The following NRXN1 variants were observed in gnomAD, a reference collection of about 807,000 sequenced individuals.
NRXN1 encodes neurexin-1.
A neutral mutation model predicts 150.9 loss-of-function variants in NRXN1; 39 were observed. That is an observed-to-expected ratio of 0.26 (90% confidence interval 0.20 to 0.34). NRXN1 has a LOEUF of 0.34. Among genes scored for constraint, NRXN1 ranks in the 10% least tolerant of loss-of-function variants. NRXN1 has a pLI of 1.00. For missense variants in NRXN1, 1,815 were observed against 1,949.9 expected (o/e 0.93, Z 1.30); for synonymous variants, 924 against 757.0 (o/e 1.22, Z -3.62).
intron 18 of NRXN1, among the ~76,000 whole-genome samples, chr2:50,202,716 A>AG: frequency 6.6e-6 from 1 of 152,130 alleles, no homozygotes; most frequent in African/African-American, 2.4e-5. Context: ...TATGAATATA[A>AG]AGTATATTAG....
intron 18 of NRXN1, among the ~76,000 whole-genome samples, chr2:50,210,511 C>A (rs1431260116): frequency 2.0e-5 from 3 of 151,626 alleles, no homozygotes; most frequent in African/African-American, 7.3e-5. Context: ...ATAAAATGAA[C>A]TGTAATTTTG....
intron 5 of NRXN1, among the ~76,000 whole-genome samples, chr2:50,643,047 T>A (rs1274053419): frequency 6.6e-6 from 1 of 152,012 alleles, no homozygotes; most frequent in African/African-American, 2.4e-5. Flanking sequence ...ATATTGAATA[T>A]ATGAGAAATA....
chr2:50,692,007 G>C (rs374961264), intron 5 of NRXN1, among the ~76,000 whole-genome samples: 2 of 152,168 alleles, frequency 1.3e-5, no homozygotes, highest in South Asian at 4.1e-4. Context: ...ACTGATTCAG[G>C]CTGTCTTGGG....
intron 21 of NRXN1, among the ~76,000 whole-genome samples, chr2:50,000,671 C>T (rs750133279): frequency 2.6e-5 from 4 of 152,094 alleles, no homozygotes; most frequent in Non-Finnish European, 5.9e-5. Context: ...AGATAATAGT[C>T]CCAGAGTCTA....
intron 18 of NRXN1, chr2:50,105,362 C>G (rs994742063): frequency 6.6e-6 from 1 of 152,014 alleles, no homozygotes; most frequent in Non-Finnish European, 1.5e-5. Flanking sequence ...GAAGTACTAT[C>G]TTTTAGGTTT....
chr2:50,306,306 T>C (rs540539103), intron 17 of NRXN1, among the ~76,000 whole-genome samples: 26 of 152,304 alleles, frequency 1.7e-4, no homozygotes, highest in African/African-American at 5.8e-4. Flanking sequence ...AGATGACTTA[T>C]TAAAGCAATA....
intron 5 of NRXN1, among the ~76,000 whole-genome samples, chr2:50,733,099 G>C (rs1461082534): frequency 2.0e-5 from 3 of 152,096 alleles, no homozygotes; most frequent in East Asian, 1.9e-4. Flanking sequence ...TGAGGAAAAG[G>C]CTTCTATTAA....
intron 5 of NRXN1, among the ~76,000 whole-genome samples, chr2:50,627,789 T>C (rs1290940190): frequency 6.6e-6 from 1 of 151,754 alleles, no homozygotes; most frequent in East Asian, 1.9e-4. Flanking sequence ...GGAGTTTATA[T>C]GACCCTCAAA....
chr2:50,184,695 T>C (rs2060950287), intron 18 of NRXN1, among the ~76,000 whole-genome samples: 1 of 151,402 alleles, frequency 6.6e-6, no homozygotes, highest in African/African-American at 2.5e-5. Flanking sequence ...AGTAGTGTGC[T>C]GTCTCTCTCT....
At chr2:50,327,046 C>T (rs907950739) in intron 17 of NRXN1, among the ~76,000 whole-genome samples, 3 of 152,148 alleles carry the variant, frequency 2.0e-5, no homozygotes, top group Admixed American at 1.3e-4. Context: ...CTAGCCTTTC[C>T]ACTTTTAATA....
intron 18 of NRXN1, among the ~76,000 whole-genome samples, chr2:50,208,030 G>C (rs1246895264): frequency 2.6e-5 from 4 of 152,086 alleles, no homozygotes; most frequent in African/African-American, 4.8e-5. Context: ...CCTGGACTTG[G>C]TGAGCTGCTG....
intron 17 of NRXN1, among the ~76,000 whole-genome samples, chr2:50,388,892 T>A (rs1056462791): frequency 1.3e-5 from 2 of 152,198 alleles, no homozygotes; most frequent in East Asian, 3.9e-4. Context: ...TACTTTGAGA[T>A]GTTTATAGTC....
At chr2:50,375,394 A>G (rs189482356) in intron 17 of NRXN1, among the ~76,000 whole-genome samples, 164 of 150,416 alleles carry the variant, frequency 1.1e-3, no homozygotes, top group African/African-American at 3.9e-3. Flanking sequence ...TATTTTCACA[A>G]TTGTATAGAT....
chr2:50,853,524 T>TTTGTAGTAACATTTCTA (rs1415607970), intron 5 of NRXN1, among the ~76,000 whole-genome samples: 2 of 152,108 alleles, frequency 1.3e-5, no homozygotes, highest in Non-Finnish European at 2.9e-5. Context: ...TCAGATGTCT[T>TTTGTAGTAACATTTCTA]TTGTAGTAAC....
Position 50,022,211 on chromosome 2 carries a change from T to C in NRXN1, c.4128+31060A>G, listed in dbSNP as rs185550357. On this transcript the variant is annotated intron_variant, in intron 21 of 22. Transcript: ENST00000401669. ...GTTAGCCAGGATGATCTCAATCTCC[T>C]GACCTCATGATCTGCCCGCCTCAGC... 5.8e-3 allele frequency among the ~76,000 whole-genome samples: 883 copies of C among 152,286 alleles called. 8 individuals carry two copies. Among genetic ancestry groups the C allele is most frequent in the Non-Finnish European group, 9.5e-3 (645 of 68,020 alleles).
chr2:50,358,439 C>T (rs1476433468), intron 17 of NRXN1, among the ~76,000 whole-genome samples: 1 of 152,178 alleles, frequency 6.6e-6, no homozygotes, highest in Admixed American at 6.5e-5. Context: ...GTGGTTTTCC[C>T]CTCACAATGT....
chr2:50,719,494 G>C (rs945647151), intron 5 of NRXN1, among the ~76,000 whole-genome samples: 2 of 152,006 alleles, frequency 1.3e-5, no homozygotes, highest in African/African-American at 4.8e-5. Context: ...GGCCAACATA[G>C]TGAAATCCTG....
At chr2:49,969,217 T>C (rs992438045) in intron 21 of NRXN1, among the ~76,000 whole-genome samples, 3 of 152,092 alleles carry the variant, frequency 2.0e-5, no homozygotes, top group Admixed American at 6.6e-5. Flanking sequence ...ACAAATGTTG[T>C]AGTCCCACTA....
intron 21 of NRXN1, among the ~76,000 whole-genome samples, chr2:50,022,461 T>C (rs1687714911): frequency 6.6e-6 from 1 of 152,184 alleles, no homozygotes; most frequent in Non-Finnish European, 1.5e-5. Context: ...ATTAACTCTG[T>C]AAATCAAGAA....
Sources: gnomAD v4.1 joint callset for allele counts (sites outside exome capture counted in the v4.1 genomes callset) on GRCh38, gnomAD v4.1.1 for gene constraint, MANE v1.5 for transcripts, NCBI Gene and HGNC (gene_info 2026-07-23, HGNC 2026-07-21) for gene names.